Variants in SYNDIG1 observed in about 807,000 individuals in gnomAD.
SYNDIG1 encodes synapse differentiation inducing 1.
In SYNDIG1, 9 loss-of-function variants were observed where a neutral mutation model predicts 19.4. That is an observed-to-expected ratio of 0.46 (90% confidence interval 0.28 to 0.81). The LOEUF is 0.81. Ranked by LOEUF, SYNDIG1 falls within the 30% of genes least tolerant of loss-of-function variation. The pLI, the probability that SYNDIG1 is intolerant of heterozygous loss-of-function variation, is 0.12. For synonymous variants in SYNDIG1, 141 were observed against 145.9 expected (o/e 0.97, Z 0.24); for missense variants, 311 against 343.3 (o/e 0.91, Z 0.74).
intron 3 of SYNDIG1, among the ~76,000 whole-genome samples, chr20:24,603,220 A>G (rs2058704536): frequency 6.6e-6 from 1 of 152,156 alleles, no homozygotes; most frequent in African/African-American, 2.4e-5. Context: ...TTATAAATGC[A>G]GCATTACCAA....
At chr20:24,496,224 C>T (rs1384610457) in intron 1 of SYNDIG1, among the ~76,000 whole-genome samples, 4 of 152,130 alleles carry the variant, frequency 2.6e-5, no homozygotes, top group African/African-American at 4.8e-5. Flanking sequence ...CGCTTTTCCC[C>T]GTAAATGTTA....
chr20:24,582,696 C>T lies in SYNDIG1; in HGVS notation c.481-2160C>T, dbSNP rs186010621. Among the ~76,000 whole-genome samples the T allele has an allele frequency of 3.3e-5, 5 of 152,206 alleles. No homozygotes were observed. In the East Asian group the frequency reaches 9.7e-4, roughly 30 times the overall value. ...CTGTTCCACTTTTTTTCCCCCTTAGCCATAATGATGGCAATTTTCATATCT... is the reference window on the plus strand; with the variant it reads ...CTGTTCCACTTTTTTTCCCCCTTAGTCATAATGATGGCAATTTTCATATCT... On this transcript the variant is annotated intron_variant, in intron 2 of 3. Transcript: ENST00000376862.
chr20:24,654,357 A>C (rs2147377953), intron 3 of SYNDIG1, among the ~76,000 whole-genome samples: 1 of 152,300 alleles, frequency 6.6e-6, no homozygotes. Flanking sequence ...AAAAATCTAT[A>C]GAGTTAATAT....
intron 1 of SYNDIG1, among the ~76,000 whole-genome samples, chr20:24,503,873 A>G (rs2056519052): frequency 6.6e-6 from 1 of 151,840 alleles, no homozygotes; most frequent in Non-Finnish European, 1.5e-5. Context: ...GTACTCGGGC[A>G]TGACTTGTTG....
At chr20:24,561,360 C>T (rs896151488) in intron 2 of SYNDIG1, among the ~76,000 whole-genome samples, 3 of 152,194 alleles carry the variant, frequency 2.0e-5, no homozygotes, top group Non-Finnish European at 4.4e-5. Context: ...CTCCAATTTG[C>T]CATTTGACCC....
chr20:24,573,758 C>T (rs2058181476), intron 2 of SYNDIG1, among the ~76,000 whole-genome samples: 1 of 152,218 alleles, frequency 6.6e-6, no homozygotes, highest in Non-Finnish European at 1.5e-5. Context: ...CTGTCACCTC[C>T]TCTCAAGTGT....
intron 3 of SYNDIG1, among the ~76,000 whole-genome samples, chr20:24,592,938 C>T (rs1305312544): frequency 6.6e-6 from 1 of 152,112 alleles, no homozygotes; most frequent in Admixed American, 6.5e-5. Flanking sequence ...ATGGAAAGAA[C>T]AAGTTGATTT....
At chr20:24,516,614 T>C (rs554663874) in intron 1 of SYNDIG1, among the ~76,000 whole-genome samples, 132 of 152,214 alleles carry the variant, frequency 8.7e-4, no homozygotes, top group African/African-American at 2.3e-3. Flanking sequence ...AAAACCACAA[T>C]GAGATACCAT....
rs1050211249 is a variant in SYNDIG1 at position 24,666,378 on chromosome 20, G to T, written c.*874G>T. The T allele has an allele frequency of 6.6e-6, 1 of 152,652 alleles. No homozygotes were observed. Among genetic ancestry groups the T allele is most frequent in the Admixed American group, 6.5e-5 (1 of 15,290 alleles). The allele number at this position is 152,652 out of a possible 1,614,324, so 9.5% of individuals were successfully genotyped here. On this transcript the variant is annotated 3_prime_UTR_variant, in exon 4 of 4. Coordinates refer to ENST00000376862, the MANE Select transcript of SYNDIG1 (RefSeq NM_024893.3). ...GCGGATGCTCACCCCGTCATAAGCA[G>T]AAACTAGTGATCCTGGAAATGAGAT... is the stretch of plus-strand genomic sequence containing the variant.
At chr20:24,505,119 C>T (rs552532735) in intron 1 of SYNDIG1, among the ~76,000 whole-genome samples, 15 of 152,224 alleles carry the variant, frequency 9.9e-5, no homozygotes, top group Middle Eastern at 3.4e-3. Flanking sequence ...AGGGTCTGTG[C>T]GTGTCCAGCT....
chr20:24,655,020 GGT>G (rs1401426106), intron 3 of SYNDIG1, among the ~76,000 whole-genome samples: 2 of 152,156 alleles, frequency 1.3e-5, no homozygotes, highest in Non-Finnish European at 1.5e-5. Context: ...AGCCTTCCGC[GGT>G]GTGTGTTGCA....
chr20:24,639,431 G>A (rs1165114231), intron 3 of SYNDIG1, among the ~76,000 whole-genome samples: 1 of 152,160 alleles, frequency 6.6e-6, no homozygotes, highest in Non-Finnish European at 1.5e-5. Flanking sequence ...ACACACGAAG[G>A]CTTTCACAGC....
chr20:24,631,610 T>G (rs1322818469), intron 3 of SYNDIG1, among the ~76,000 whole-genome samples: 1 of 152,236 alleles, frequency 6.6e-6, no homozygotes, highest in Admixed American at 6.5e-5. Context: ...TGGGAAGGAC[T>G]TCCAGAGCAG....
chr20:24,650,862 G>A (rs1341879789), intron 3 of SYNDIG1, among the ~76,000 whole-genome samples: 2 of 151,954 alleles, frequency 1.3e-5, no homozygotes, highest in East Asian at 3.9e-4. Flanking sequence ...TTGAGACAGA[G>A]CCTCACTCTG....
intron 2 of SYNDIG1, among the ~76,000 whole-genome samples, chr20:24,553,077 T>C (rs1297843491): frequency 6.6e-6 from 1 of 151,786 alleles, no homozygotes; most frequent in Non-Finnish European, 1.5e-5. Flanking sequence ...TGAGCATTTT[T>C]TCATGTGTTT....
chr20:24,509,866 C>T lies in SYNDIG1; in HGVS notation c.-78-33154C>T, dbSNP rs751273173. 2.6e-5 allele frequency among the ~76,000 whole-genome samples: 4 copies of T among 152,262 alleles called. No homozygotes were observed. In the South Asian group the frequency reaches 6.2e-4, roughly 24 times the overall value. On this transcript the variant is annotated intron_variant, in intron 1 of 3. Transcript: ENST00000376862. Reference sequence around the variant, plus strand: ...GTAATCCCCAATGTTGGAGGTAGGGCCTTGTGGGAGGTGATTGGATTATGG... The same window carrying T: ...GTAATCCCCAATGTTGGAGGTAGGGTCTTGTGGGAGGTGATTGGATTATGG...
chr20:24,555,942 G>A (rs1337070663), intron 2 of SYNDIG1, among the ~76,000 whole-genome samples: 1 of 152,164 alleles, frequency 6.6e-6, no homozygotes, highest in Non-Finnish European at 1.5e-5. Context: ...GGGAGTCTAA[G>A]TCTCTTTGTA....
intron 3 of SYNDIG1, among the ~76,000 whole-genome samples, chr20:24,648,822 T>G (rs1477547452): frequency 6.6e-6 from 1 of 152,256 alleles, no homozygotes; most frequent in Non-Finnish European, 1.5e-5. Flanking sequence ...TGCTAACAGC[T>G]GGTGGAGGCC....
intron 2 of SYNDIG1, among the ~76,000 whole-genome samples, chr20:24,549,555 C>T (rs546015012): frequency 5.9e-5 from 9 of 152,238 alleles, no homozygotes; most frequent in South Asian, 2.1e-4. Context: ...GAGGCTGGGG[C>T]GAGTGCTTTA....
Sources: allele counts gnomAD v4.1 joint callset (sites outside exome capture counted in the v4.1 genomes callset), GRCh38; gene constraint gnomAD v4.1.1; transcripts MANE v1.5; gene names NCBI Gene and HGNC (gene_info 2026-07-23, HGNC 2026-07-21).